The following PTPRD variants were observed in gnomAD, a reference collection of about 807,000 sequenced individuals.
PTPRD encodes protein tyrosine phosphatase receptor type D, also known as receptor-type tyrosine-protein phosphatase delta.
In PTPRD, 34 loss-of-function variants were observed where a neutral mutation model predicts 214.5. The ratio of observed to expected loss-of-function variants is 0.16; its 90% CI spans 0.12 to 0.21. The LOEUF (loss-of-function observed/expected upper bound fraction) is 0.21. PTPRD is among the 10% of genes least tolerant of loss of function. The pLI is 1.00. For missense variants in PTPRD, 2,545 were observed against 2,398.7 expected (o/e 1.06, Z -1.27); for synonymous variants, 1,128 against 845.7 (o/e 1.33, Z -5.79).
chr9:9,423,504 G>C (rs1262235778), intron 8 of PTPRD, among the ~76,000 whole-genome samples: 2 of 152,116 alleles, frequency 1.3e-5, no homozygotes, highest in African/African-American at 4.8e-5. Context: ...TGACAACCTA[G>C]GGTAGAGAAT....
intron 8 of PTPRD, among the ~76,000 whole-genome samples, chr9:9,401,405 C>G (rs904110564): frequency 1.4e-4 from 22 of 151,980 alleles, no homozygotes; most frequent in African/African-American, 5.1e-4. Context: ...AACTCCAGTC[C>G]TTATTTCTCA....
rs185088183 is a variant in PTPRD at position 9,135,859 on chromosome 9, C to G, written c.-143+47445G>C. Reference sequence around the variant, plus strand: ...TGAAAAAAACCCCACAGTTTTCTGTCATCCCTCTTGTTCTTCAAAAGTTGA... The same window carrying G: ...TGAAAAAAACCCCACAGTTTTCTGTGATCCCTCTTGTTCTTCAAAAGTTGA... On this transcript the variant is annotated intron_variant, in intron 10 of 45. Transcript: ENST00000381196. Among the ~76,000 whole-genome samples, 925 of 147,196 alleles carry G rather than the reference C, an allele frequency of 6.3e-3. 11 individuals carry two copies. Among genetic ancestry groups the G allele is most frequent in the African/African-American group, 0.022 (884 of 40,630 alleles).
chr9:9,954,308 A>AACAAAAC (rs1566685680), intron 4 of PTPRD, among the ~76,000 whole-genome samples: 8 of 140,030 alleles, frequency 5.7e-5, no homozygotes, highest in Non-Finnish European at 1.3e-4. Context: ...AAAAAAAAAA[A>AACAAAAC]AAAAAAAAAA....
chr9:8,785,611 G>T (rs891845719), intron 11 of PTPRD, among the ~76,000 whole-genome samples: 1 of 152,176 alleles, frequency 6.6e-6, no homozygotes, highest in Non-Finnish European at 1.5e-5. Flanking sequence ...CTCAGTCAAA[G>T]CCATGTCACA....
chr9:9,717,269 T>G (rs898692672), intron 7 of PTPRD, among the ~76,000 whole-genome samples: 6 of 152,240 alleles, frequency 3.9e-5, no homozygotes, highest in Non-Finnish European at 5.9e-5. Context: ...TAGTATAGTT[T>G]GAAGTCAGGT....
chr9:9,861,583 A>G (rs537199166), intron 5 of PTPRD, among the ~76,000 whole-genome samples: 5 of 152,298 alleles, frequency 3.3e-5, no homozygotes, highest in Admixed American at 6.5e-5. Flanking sequence ...GCCACCGCAC[A>G]TGGCCGAAAT....
chr9:9,527,118 G>C (rs1386250514), intron 8 of PTPRD, among the ~76,000 whole-genome samples: 1 of 152,122 alleles, frequency 6.6e-6, no homozygotes, highest in Non-Finnish European at 1.5e-5. Context: ...ATGGATGTGA[G>C]TGTCTGTATT....
rs79667287 is a variant in PTPRD at position 9,878,113 on chromosome 9, C to T, written c.-368+60394G>A. Reference sequence around the variant, plus strand: ...CAACTGTGGTAGAGATTAAAGAATTCAACCTCTTCTCAGGACATCCAGCTA... The same window carrying T: ...CAACTGTGGTAGAGATTAAAGAATTTAACCTCTTCTCAGGACATCCAGCTA... On this transcript the variant is annotated intron_variant, in intron 5 of 45. Coordinates refer to ENST00000381196, the MANE Select transcript of PTPRD (RefSeq NM_002839.4). 1.3e-3 allele frequency among the ~76,000 whole-genome samples: 195 copies of T among 152,004 alleles called. 1 individual carries two copies. The highest frequency in any genetic ancestry group is 9.1e-3 in the East Asian group (47 of 5,160).
At chr9:8,979,242 G>A (rs1052862371) in intron 11 of PTPRD, among the ~76,000 whole-genome samples, 4 of 152,062 alleles carry the variant, frequency 2.6e-5, no homozygotes, top group Admixed American at 6.6e-5. Context: ...ATATTCAGAA[G>A]TTCTCTGAAG....
chr9:8,950,164 T>C (rs999275255), intron 11 of PTPRD, among the ~76,000 whole-genome samples: 1 of 152,190 alleles, frequency 6.6e-6, no homozygotes, highest in Admixed American at 6.6e-5. Context: ...TGTTAGTTTC[T>C]AATGTTGTCT....
chr9:10,086,741 T>C (rs1004377438), intron 3 of PTPRD, among the ~76,000 whole-genome samples: 7 of 151,814 alleles, frequency 4.6e-5, no homozygotes, highest in African/African-American at 1.4e-4. Flanking sequence ...TTAAGATAAA[T>C]GAAACAAAAA....
At chr9:8,527,607 G>A (rs947191735) in intron 15 of PTPRD, among the ~76,000 whole-genome samples, 1 of 152,008 alleles carries the variant, frequency 6.6e-6, no homozygotes, top group Non-Finnish European at 1.5e-5. Context: ...GGGAAGACAG[G>A]CAGTTAAACA....
intron 9 of PTPRD, among the ~76,000 whole-genome samples, chr9:9,365,077 C>T (rs550785915): frequency 9.9e-5 from 15 of 151,594 alleles, no homozygotes; most frequent in African/African-American, 3.6e-4. Flanking sequence ...ATGTCACCGT[C>T]ATACCCTGTG....
chr9:9,869,277 C>A (rs192364803), intron 5 of PTPRD, among the ~76,000 whole-genome samples: 3 of 152,242 alleles, frequency 2.0e-5, no homozygotes, highest in Admixed American at 1.3e-4. Context: ...GTCTTGCTAA[C>A]AAATGCAGAA....
chr9:9,436,303 C>T (rs992753959), intron 8 of PTPRD, among the ~76,000 whole-genome samples: 17 of 152,080 alleles, frequency 1.1e-4, no homozygotes, highest in Non-Finnish European at 2.5e-4. Flanking sequence ...GGTTTCACTC[C>T]TTCTAGTTCC....
chr9:8,937,989 T>G (rs10816006), intron 11 of PTPRD, among the ~76,000 whole-genome samples: 42,622 of 152,078 alleles, frequency 0.28, 6,512 homozygotes, highest in South Asian at 0.41. Flanking sequence ...ATAAATACAA[T>G]TTAGTCTTAC....
At chr9:9,457,765 C>T (rs1034266748) in intron 8 of PTPRD, among the ~76,000 whole-genome samples, 2 of 147,472 alleles carry the variant, frequency 1.4e-5, no homozygotes, top group East Asian at 3.9e-4. Context: ...AATGTTTTCC[C>T]CCAAATACAG....
At chr9:8,712,106 C>G (rs985098561) in intron 12 of PTPRD, among the ~76,000 whole-genome samples, 1 of 152,074 alleles carries the variant, frequency 6.6e-6, no homozygotes, top group Non-Finnish European at 1.5e-5. Context: ...TTTTTTAAAT[C>G]GACCAAGAAG....
chr9:10,378,510 T>G (rs929658556), intron 2 of PTPRD, among the ~76,000 whole-genome samples: 9 of 151,984 alleles, frequency 5.9e-5, no homozygotes, highest in African/African-American at 2.2e-4. Context: ...TAGACCCCTA[T>G]CTCTAGTTTC....
Sources: gnomAD v4.1 joint callset for allele counts (sites outside exome capture counted in the v4.1 genomes callset) on GRCh38, gnomAD v4.1.1 for gene constraint, MANE v1.5 for transcripts, NCBI Gene and HGNC (gene_info 2026-07-23, HGNC 2026-07-21) for gene names.